The following CYTH3 variants were observed in gnomAD, a reference collection of about 807,000 sequenced individuals.
The protein encoded by CYTH3 is cytohesin 3.
CYTH3 carries 23 observed loss-of-function variants against 55.1 expected under a neutral mutation model. The observed-to-expected ratio is 0.42, with a 90% CI of 0.30 to 0.59. The LOEUF (loss-of-function observed/expected upper bound fraction) is 0.59, where lower values mean the gene tolerates loss of function less well. Among genes scored for constraint, CYTH3 ranks in the 20% least tolerant of loss-of-function variants. CYTH3 has a pLI of 0.20. For synonymous variants in CYTH3, 249 were observed against 194.9 expected (o/e 1.28, Z -2.31); for missense variants, 413 against 524.8 (o/e 0.79, Z 2.08).
At chr7:6,207,080 G>A (rs1029781810) in intron 1 of CYTH3, among the ~76,000 whole-genome samples, 1 of 145,270 alleles carries the variant, frequency 6.9e-6, no homozygotes, top group Non-Finnish European at 1.5e-5. Context: ...AAATTAAAAT[G>A]TGCAACTTTT....
At chr7:6,220,196 C>T (rs998049831) in intron 1 of CYTH3, among the ~76,000 whole-genome samples, 7 of 152,126 alleles carry the variant, frequency 4.6e-5, no homozygotes, top group Non-Finnish European at 7.4e-5. Context: ...CGCGCCTGGC[C>T]TAGCCAAGTG....
intron 1 of CYTH3, among the ~76,000 whole-genome samples, chr7:6,240,724 A>G (rs752855567): frequency 7.2e-5 from 11 of 152,238 alleles, no homozygotes; most frequent in Non-Finnish European, 1.3e-4. Flanking sequence ...ACATGAACAC[A>G]GAAGTACAGG....
chr7:6,176,473 G>C (rs1012508196), intron 5 of CYTH3, among the ~76,000 whole-genome samples: 12 of 152,056 alleles, frequency 7.9e-5, no homozygotes, highest in Middle Eastern at 3.4e-3. Flanking sequence ...ATGTTAGCCA[G>C]GATGGTCTCG....
At chr7:6,227,220 A>C (rs1479623324) in intron 1 of CYTH3, among the ~76,000 whole-genome samples, 1 of 152,220 alleles carries the variant, frequency 6.6e-6, no homozygotes, top group Non-Finnish European at 1.5e-5. Flanking sequence ...ACAAAAAAAG[A>C]AAGCAGATAG....
At chr7:6,253,809 C>T (rs574893388) in intron 1 of CYTH3, among the ~76,000 whole-genome samples, 1 of 151,200 alleles carries the variant, frequency 6.6e-6, no homozygotes, top group Admixed American at 6.6e-5. Context: ...GAGTGAGATG[C>T]TGTCTCAAAA....
intron 1 of CYTH3, among the ~76,000 whole-genome samples, chr7:6,196,456 CTTTTTTTTTTTTTTTTT>C (rs5882084): frequency 8.8e-6 from 1 of 113,986 alleles, no homozygotes; most frequent in Non-Finnish European, 1.7e-5. Flanking sequence ...TTCTTTTTTT[CTTTTTTTTTTTTTTTTT>C]TTTGAGACGG....
At position 6,165,444 on chromosome 7, in the gene CYTH3, G is replaced by A; in HGVS notation, c.973-17C>T. On this transcript the variant is annotated splice_polypyrimidine_tract_variant and intron_variant, in intron 11 of 12. Coordinates refer to ENST00000350796, the MANE Select transcript of CYTH3 (RefSeq NM_004227.4). Reference sequence around the variant, plus strand: ...AAAACAGTTCTGGTGGAGAAAGAGAGAGGGGAGGCGGTCAGGGGGGCTTGG... The same window carrying A: ...AAAACAGTTCTGGTGGAGAAAGAGAAAGGGGAGGCGGTCAGGGGGGCTTGG... 6.2e-7 allele frequency: 1 copy of A among 1,610,462 alleles called. No homozygotes were observed. The highest frequency in any genetic ancestry group is 8.5e-7 in the Non-Finnish European group (1 of 1,177,616).
chr7:6,190,541 G>T lies in CYTH3; in HGVS notation c.35-10C>A, dbSNP rs910751539. 3 of 1,496,990 alleles carry T rather than the reference G, an allele frequency of 2.0e-6. No individual in the cohort carries two copies. Among genetic ancestry groups the T allele is most frequent in the Admixed American group, 2.7e-5 (1 of 37,680 alleles). The allele number at this position is 1,496,990 out of a possible 1,614,324, so 92.7% of individuals were successfully genotyped here. On this transcript the variant is annotated splice_polypyrimidine_tract_variant and intron_variant, in intron 1 of 12. Transcript: ENST00000350796. The stretch of plus-strand genomic sequence containing the variant: ...GAGAGGTCTTCAGGCACTGAAAGAA[G>T]AAAAAAATAATTAACTACTTTGGAG...
Position 6,259,772 on chromosome 7 carries a change from T to TATATATATATAA in CYTH3, c.34+12701_34+12702insTTATATATATAT, listed in dbSNP as rs1491219669. On this transcript the variant is annotated intron_variant, in intron 1 of 12. Transcript: ENST00000350796. ...TATATATATATTATATATATATATATTATATATATATAATATATATATATA... is the reference window on the plus strand; with the variant it reads ...TATATATATATTATATATATATATATATATATATATAATATATATATATAATATATATATATA... Among the ~76,000 whole-genome samples, 12 of 30,500 alleles carry TATATATATATAA rather than the reference T, an allele frequency of 3.9e-4. 3 individuals carry two copies. Among genetic ancestry groups the TATATATATATAA allele is most frequent in the East Asian group, 1.3e-3 (1 of 790 alleles). The allele number at this position is 30,500 out of a possible 152,430, so 20.0% of individuals were successfully genotyped here. A position where few individuals can be genotyped will look rare whatever the true frequency, so the allele number is the denominator to read the frequency against.
At chr7:6,270,732 G>C (rs545801029) in intron 1 of CYTH3, among the ~76,000 whole-genome samples, 2 of 152,218 alleles carry the variant, frequency 1.3e-5, no homozygotes, top group South Asian at 4.1e-4. Flanking sequence ...TTTATTTCAA[G>C]GTTGCTTCCC....
chr7:6,250,718 T>G (rs1304981573), intron 1 of CYTH3, among the ~76,000 whole-genome samples: 2 of 152,202 alleles, frequency 1.3e-5, no homozygotes, highest in Non-Finnish European at 2.9e-5. Context: ...AGGTTCTTTT[T>G]GAAGTGATAA....
At chr7:6,243,679 A>C (rs975449595) in intron 1 of CYTH3, among the ~76,000 whole-genome samples, 3 of 152,354 alleles carry the variant, frequency 2.0e-5, no homozygotes, top group African/African-American at 7.2e-5. Context: ...CCAAATGGAC[A>C]AATGACTTCC....
chr7:6,222,322 C>G (rs760503127), intron 1 of CYTH3, among the ~76,000 whole-genome samples: 2 of 152,226 alleles, frequency 1.3e-5, no homozygotes, highest in Non-Finnish European at 2.9e-5. Flanking sequence ...AACTCTGTCT[C>G]TGTTCTCAAG....
intron 1 of CYTH3, among the ~76,000 whole-genome samples, chr7:6,258,869 C>G (rs761186847): frequency 1.8e-4 from 28 of 152,084 alleles, no homozygotes; most frequent in Non-Finnish European, 4.4e-5. Flanking sequence ...TTTGATGAAC[C>G]CTCATATTAT....
intron 1 of CYTH3, among the ~76,000 whole-genome samples, chr7:6,243,704 C>A (rs747840633): frequency 6.6e-6 from 1 of 152,152 alleles, no homozygotes; most frequent in African/African-American, 2.4e-5. Flanking sequence ...ATATTCCTTC[C>A]GGCCCTATAT....
chr7:6,204,307 G>A (rs926958442), intron 1 of CYTH3, among the ~76,000 whole-genome samples: 1 of 152,194 alleles, frequency 6.6e-6, no homozygotes, highest in African/African-American at 2.4e-5. Context: ...TGGAGATGAA[G>A]GTGCTTTGCT....
intron 4 of CYTH3, among the ~76,000 whole-genome samples, chr7:6,184,630 G>A (rs1427144333): frequency 6.6e-6 from 1 of 152,058 alleles, no homozygotes; most frequent in Non-Finnish European, 1.5e-5. Context: ...GCCCAGACTG[G>A]AGTGCAGTGA....
intron 4 of CYTH3, among the ~76,000 whole-genome samples, chr7:6,179,736 CACCA>C (rs1562881497): frequency 1.2e-4 from 13 of 111,290 alleles, no homozygotes; most frequent in African/African-American, 3.5e-4. Flanking sequence ...CACACACACC[CACCA>C]CACACACCCC....
intron 1 of CYTH3, among the ~76,000 whole-genome samples, chr7:6,263,466 C>T (rs771270991): frequency 9.9e-5 from 15 of 152,116 alleles, no homozygotes; most frequent in African/African-American, 2.7e-4. Flanking sequence ...ACCTCAGTAC[C>T]GTTTGTAACA....
Sources: gnomAD v4.1 joint callset for allele counts (sites outside exome capture counted in the v4.1 genomes callset) on GRCh38, gnomAD v4.1.1 for gene constraint, MANE v1.5 for transcripts, NCBI Gene and HGNC (gene_info 2026-07-23, HGNC 2026-07-21) for gene names.